Variants in PSG11 observed in about 807,000 individuals in gnomAD.
PSG11 encodes the protein pregnancy specific beta-1-glycoprotein 11.
A neutral mutation model predicts 36.0 loss-of-function variants in PSG11; 42 were observed. The ratio of observed to expected loss-of-function variants is 1.17; its 90% CI spans 0.91 to 1.51. PSG11 has a LOEUF of 1.51. Among genes scored for constraint, PSG11 ranks in the 40% most tolerant of loss-of-function variants. The pLI is 0.00. For synonymous variants in PSG11, 206 were observed against 153.5 expected (o/e 1.34, Z -2.53); for missense variants, 558 against 403.5 (o/e 1.38, Z -3.28).
intron 3 of PSG11, among the ~76,000 whole-genome samples, chr19:43,016,199 G>T (rs1222871433): frequency 6.6e-6 from 1 of 151,330 alleles, no homozygotes; most frequent in African/African-American, 2.4e-5. Flanking sequence ...GATGCATGAT[G>T]ATCTAAGGGC....
intron 2 of PSG11, among the ~76,000 whole-genome samples, chr19:43,020,462 G>A (rs760050320): frequency 2.0e-5 from 3 of 151,090 alleles, no homozygotes; most frequent in East Asian, 1.9e-4. Context: ...GTTGTCAGGA[G>A]ATTAGACCTC....
rs565987784 is a variant in PSG11, at chr19:43,024,958, C to G, written c.163G>C (p.Val55Leu). 15 of 1,611,704 alleles carry G rather than the reference C, an allele frequency of 9.3e-6. No homozygotes were observed. The South Asian group carries it at 1.4e-4, about 15-fold the overall frequency. Reference protein sequence around the residue: ...VSEGKDVLLLVHNLPQNLTGY... With the variant: ...VSEGKDVLLLLHNLPQNLTGY... The stretch of plus-strand genomic sequence containing the variant: ...GTAAGATTCTGGGGCAAATTGTGGA[C>G]AAGTAGAAGAACATCCTTCCCCTCG... Residue 55 changes from valine to leucine, a missense_variant, in exon 2 of 6, where the codon GTC becomes CTC. Physicochemically the swap from Val to Leu is conservative, Grantham distance 32. Transcript: ENST00000320078.
chr19:43,022,404 C>T lies in PSG11; in HGVS notation c.430+2287G>A, dbSNP rs1025758402. On this transcript the variant is annotated intron_variant, in intron 2 of 5. Coordinates refer to ENST00000320078, the MANE Select transcript of PSG11 (RefSeq NM_002785.3). Reference sequence around the variant, plus strand: ...CAAGCACAAACAGATCATTTCCCTCCGCCCGCATGATTCCATCACCAACAA... The same window carrying T: ...CAAGCACAAACAGATCATTTCCCTCTGCCCGCATGATTCCATCACCAACAA... Among the ~76,000 whole-genome samples, 8 of 151,310 alleles carry T rather than the reference C, an allele frequency of 5.3e-5. 1 individual carries two copies. The highest frequency in any genetic ancestry group is 9.7e-5 in the African/African-American group (4 of 41,044).
intron 4 of PSG11, among the ~76,000 whole-genome samples, chr19:43,012,644 C>A (rs1205531307): frequency 6.6e-6 from 1 of 151,416 alleles, no homozygotes; most frequent in Non-Finnish European, 1.5e-5. Context: ...AAGACAATAT[C>A]AATAAATGGA....
At chr19:43,010,318 A>C in intron 4 of PSG11, 1 of 1,505,774 alleles carries the variant, frequency 6.6e-7, no homozygotes, top group Non-Finnish European at 8.8e-7. Flanking sequence ...GCTATTTTCT[A>C]TGTCATTGGA....
At position 43,013,256 on chromosome 19, in the gene PSG11, A is replaced by T. The variant is rs1425553845; in HGVS notation, c.964+1860T>A. ...AGCATAGGCAACAAATAAAATCAAT[A>T]AATCGGACTTCACAAAAATCAAAAC... is the stretch of plus-strand genomic sequence containing the variant. On this transcript the variant is annotated intron_variant, in intron 4 of 5. Transcript: ENST00000320078. Among the ~76,000 whole-genome samples, 4 of 151,524 alleles carry T rather than the reference A, an allele frequency of 2.6e-5. 1 individual carries two copies. The highest frequency in any genetic ancestry group is 9.7e-5 in the African/African-American group (4 of 41,096).
In PSG11 at chr19:43,015,886, A is replaced by G. The variant is rs760144588; in HGVS notation, c.710-516T>C. ...GGGTAGAATGAGGATCCTGTTTTCA[A>G]TGGGTCGCTTTACCCTGGGACTGAC... On this transcript the variant is annotated intron_variant, in intron 3 of 5. Coordinates refer to ENST00000320078, the MANE Select transcript of PSG11 (RefSeq NM_002785.3). The G allele has an allele frequency of 8.7e-6, 14 of 1,610,054 alleles. 1 individual carries two copies. The highest frequency in any genetic ancestry group is 1.1e-5 in the South Asian group (1 of 90,736).
chr19:43,010,020 A>G lies in PSG11; in HGVS notation c.986T>C (p.Phe329Ser). The G allele has an allele frequency of 6.2e-7, 1 of 1,610,020 alleles. No individual in the cohort carries two copies. The highest frequency in any genetic ancestry group is 8.5e-7 in the Non-Finnish European group (1 of 1,177,332). ...RVIAPPGLGT[F>S]AFNNPT ...CTGCTACGTTGGATTATTGAAAGCA[A>G]AAGTTCCTAATCCTGGAGGAGCTGT... The change falls in exon 5 of 6, where the codon TTT (phenylalanine) becomes TCT (serine). Residue 329 changes from phenylalanine to serine, a missense_variant. By Grantham distance (155) the Phe-to-Ser change is radical. Transcript: ENST00000320078.
At chr19:43,013,597 A>G (rs2122792955) in intron 4 of PSG11, among the ~76,000 whole-genome samples, 1 of 151,518 alleles carries the variant, frequency 6.6e-6, no homozygotes, top group East Asian at 1.9e-4. Context: ...TTGATAAACA[A>G]TAACAATGAC....
chr19:43,023,850 T>G (rs1014679508), intron 2 of PSG11, among the ~76,000 whole-genome samples: 4 of 151,376 alleles, frequency 2.6e-5, no homozygotes, highest in Non-Finnish European at 4.4e-5. Context: ...AAATGTTAAA[T>G]TATTCACAGT....
At chr19:43,008,119 G>T (rs956476155) in intron 5 of PSG11, 77 bp from the exon 6 acceptor site, 11 of 321,132 alleles carry the variant, frequency 3.4e-5, no homozygotes, top group African/African-American at 2.2e-4. Flanking sequence ...TTCTGGGAAT[G>T]ACAAAGATTT....
chr19:43,016,607 A>T (rs2122803655), intron 3 of PSG11, among the ~76,000 whole-genome samples: 1 of 151,628 alleles, frequency 6.6e-6, no homozygotes, highest in East Asian at 1.9e-4. Flanking sequence ...AGGTCAGTTC[A>T]GTCATCAGGC....
chr19:43,009,573 T>C (rs1352576067), intron 5 of PSG11, among the ~76,000 whole-genome samples: 2 of 151,434 alleles, frequency 1.3e-5, no homozygotes, highest in East Asian at 1.9e-4. Flanking sequence ...GAGGCAGTTA[T>C]ATGCAAGGAA....
intron 1 of PSG11, among the ~76,000 whole-genome samples, chr19:43,025,940 T>C (rs1448273618): frequency 6.7e-5 from 8 of 119,934 alleles, no homozygotes; most frequent in African/African-American, 1.4e-4. Context: ...TTTTCTCTTT[T>C]TTTTTTTTTT....
chr19:43,010,008 T>A lies in PSG11; in HGVS notation c.998A>T (p.Asn333Ile). 6.2e-7 allele frequency: 1 copy of A among 1,609,214 alleles called. No individual in the cohort carries two copies. The highest frequency in any genetic ancestry group is 8.5e-7 in the Non-Finnish European group (1 of 1,176,704). ...PPGLGTFAFN[N>I]PT Reference sequence around the variant, plus strand: ...ATGACATCACGGCTGCTACGTTGGATTATTGAAAGCAAAAGTTCCTAATCC... The same window carrying A: ...ATGACATCACGGCTGCTACGTTGGAATATTGAAAGCAAAAGTTCCTAATCC... The change falls in exon 5 of 6, where the codon AAT (asparagine) becomes ATT (isoleucine). Residue 333 changes from asparagine to isoleucine, a missense_variant. Coordinates refer to ENST00000320078, the MANE Select transcript of PSG11 (RefSeq NM_002785.3).
Position 43,025,897 on chromosome 19 carries a change from A to T in PSG11, c.64+412T>A, listed in dbSNP as rs764275054. ...TGGGTGTATTTTCCCCTATCCAGGC[A>T]TCAACAGGGCCTTCTTTCCTTTTTT... On this transcript the variant is annotated intron_variant, in intron 1 of 5. Transcript: ENST00000320078. Among the ~76,000 whole-genome samples the T allele has an allele frequency of 6.6e-4, 81 of 123,356 alleles. 2 individuals are homozygous for T. Among genetic ancestry groups the T allele is most frequent in the Non-Finnish European group, 1.1e-3 (64 of 60,256 alleles). 80.9% of individuals were successfully genotyped at this position (123,356 alleles called of 152,430 possible). A position where few individuals can be genotyped will look rare whatever the true frequency, so the allele number is the denominator to read the frequency against.
rs548248624 is a variant in PSG11, at chr19:43,026,198, C to T, written c.64+111G>A. 288 of 1,502,156 alleles carry T rather than the reference C, an allele frequency of 1.9e-4. 13 individuals carry two copies. The highest frequency in any genetic ancestry group is 1.9e-3 in the South Asian group (164 of 87,708). The allele number at this position is 1,502,156 out of a possible 1,614,324, so 93.1% of individuals were successfully genotyped here. A position where few individuals can be genotyped will look rare whatever the true frequency, so the allele number is the denominator to read the frequency against. On this transcript the variant is annotated intron_variant, in intron 1 of 5. Coordinates refer to ENST00000320078, the MANE Select transcript of PSG11 (RefSeq NM_002785.3). ...TCTCGTGATCCACCCACCTCAGCCT[C>T]CCTAAATGCTGGCTTTTTTATTTTT...
intron 3 of PSG11, among the ~76,000 whole-genome samples, chr19:43,018,076 C>G (rs547812737): frequency 1.9e-4 from 29 of 151,326 alleles, no homozygotes; most frequent in Admixed American, 7.9e-4. Flanking sequence ...ATAGACTTCC[C>G]TGGAAAACAT....
In PSG11 at chr19:43,025,127, C is replaced by A. The variant is rs188476820; in HGVS notation, c.65-71G>T. 7.0e-3 allele frequency: 10,813 copies of A among 1,541,586 alleles called. 378 individuals are homozygous for A. Among genetic ancestry groups the A allele is most frequent in the Non-Finnish European group, 8.3e-3 (9,454 of 1,141,244 alleles). ...GGGGTGAAAAGATGGGGCCCTGAGT[C>A]CTGAGAAGGTCTCTTCAATCCTCAG... On this transcript the variant is annotated intron_variant, in intron 1 of 5. Coordinates refer to ENST00000320078, the MANE Select transcript of PSG11 (RefSeq NM_002785.3).
Sources: gnomAD v4.1 joint callset for allele counts (sites outside exome capture counted in the v4.1 genomes callset) on GRCh38, gnomAD v4.1.1 for gene constraint, MANE v1.5 for transcripts, NCBI Gene and HGNC (gene_info 2026-07-23, HGNC 2026-07-21) for gene names.